The following ELMO1 variants were observed in gnomAD, a reference collection of about 807,000 sequenced individuals.
The protein encoded by ELMO1 is engulfment and cell motility protein 1.
Under a neutral mutation model 98.9 loss-of-function variants are expected in ELMO1, and 26 were observed. That is an observed-to-expected ratio of 0.26 (90% CI 0.19 to 0.36). The LOEUF (loss-of-function observed/expected upper bound fraction) is 0.36, where lower values mean the gene tolerates loss of function less well. ELMO1 is among the 10% of genes least tolerant of loss of function. ELMO1 has a pLI of 1.00. For missense variants in ELMO1, 627 were observed against 935.2 expected (o/e 0.67, Z 4.30); for synonymous variants, 346 against 346.0 (o/e 1.00, Z 0.00).
intron 16 of ELMO1, among the ~76,000 whole-genome samples, chr7:36,896,860 T>C (rs1464094576): frequency 6.6e-6 from 1 of 152,212 alleles, no homozygotes; most frequent in African/African-American, 2.4e-5. Flanking sequence ...TAGAGAGACT[T>C]AGAATTGAGC....
chr7:36,862,164 G>A (rs1268923761), intron 20 of ELMO1: 5 of 192,046 alleles, frequency 2.6e-5, no homozygotes, highest in Non-Finnish European at 5.5e-5. Context: ...CCAATCAACA[G>A]GATTAAGGAC....
chr7:37,370,051 A>G (rs1346781768), intron 1 of ELMO1, among the ~76,000 whole-genome samples: 2 of 152,200 alleles, frequency 1.3e-5, no homozygotes, highest in African/African-American at 4.8e-5. Flanking sequence ...AGGAAACATT[A>G]ACCACCAGAG....
At chr7:37,188,823 C>T (rs1410161884) in intron 13 of ELMO1, among the ~76,000 whole-genome samples, 1 of 152,082 alleles carries the variant, frequency 6.6e-6, no homozygotes, top group Non-Finnish European at 1.5e-5. Flanking sequence ...CTGGATGTGT[C>T]CCCCACAGTC....
At chr7:37,444,014 C>T (rs930446546) in intron 1 of ELMO1, among the ~76,000 whole-genome samples, 4 of 152,218 alleles carry the variant, frequency 2.6e-5, no homozygotes, top group Non-Finnish European at 5.9e-5. Flanking sequence ...AAGCCATTCT[C>T]TTGCCTCAGC....
chr7:37,301,752 G>C (rs1294216026), intron 4 of ELMO1, among the ~76,000 whole-genome samples: 1 of 152,108 alleles, frequency 6.6e-6, no homozygotes, highest in Non-Finnish European at 1.5e-5. Flanking sequence ...TCAAAAGAAG[G>C]TGTAAATATC....
At chr7:36,970,180 A>ACACACAC in intron 16 of ELMO1, among the ~76,000 whole-genome samples, 2 of 144,354 alleles carry the variant, frequency 1.4e-5, no homozygotes, top group African/African-American at 5.2e-5. Flanking sequence ...TCATACACTT[A>ACACACAC]ACACACACAC....
intron 15 of ELMO1, among the ~76,000 whole-genome samples, chr7:37,077,859 G>C (rs768370199): frequency 1.3e-5 from 2 of 152,194 alleles, no homozygotes; most frequent in Non-Finnish European, 2.9e-5. Context: ...AAATGATCCA[G>C]AGCATACGAG....
rs1787590572 is a variant in ELMO1 at position 36,947,432 on chromosome 7, C to T, written c.1438-52415G>A. Among the ~76,000 whole-genome samples the T allele has an allele frequency of 2.0e-5, 3 of 152,160 alleles. No homozygotes were observed. The South Asian group carries it at 6.2e-4, about 32-fold the overall frequency. On this transcript the variant is annotated intron_variant, in intron 16 of 21. Coordinates refer to ENST00000310758, the MANE Select transcript of ELMO1 (RefSeq NM_014800.11). ...CCCCAGTTTCTCATTTTCCAACTCA[C>T]TCTCCATCACAACCTATCAACCACC...
At chr7:37,174,659 G>A (rs1790403736) in intron 13 of ELMO1, among the ~76,000 whole-genome samples, 1 of 152,132 alleles carries the variant, frequency 6.6e-6, no homozygotes, top group Non-Finnish European at 1.5e-5. Context: ...GGTCCCATGG[G>A]TACAACAAAC....
intron 15 of ELMO1, among the ~76,000 whole-genome samples, chr7:37,084,383 A>C (rs1374212841): frequency 6.6e-6 from 1 of 152,250 alleles, no homozygotes; most frequent in Non-Finnish European, 1.5e-5. Flanking sequence ...TATTAAATGC[A>C]GACTACATGT....
In ELMO1 at chr7:36,855,697, C is replaced by T. The variant is rs768548471; in HGVS notation, c.2038G>A (p.Asp680Asn). 3.1e-6 allele frequency: 5 copies of T among 1,613,952 alleles called. No homozygotes were observed. The highest frequency in any genetic ancestry group is 4.5e-5 in the East Asian group (2 of 44,884). ...GTGTCCAGGTCATTCCGCGTCAGGT[C>T]GCTCATCATGTCCTTCCCGAGTAGC... ...NALLGKDMMS[D>N]LTRNDLDTLL... Residue 680 changes from aspartate (D) to asparagine (N), a missense_variant, in exon 22 of 22, where the codon GAC becomes AAC. Physicochemically the swap from Asp to Asn is conservative, Grantham distance 23. Transcript: ENST00000310758. This position sits in a 1 kb window ranked among gnomAD's most constrained non-coding sequence, Gnocchi z 4.2.
chr7:37,017,391 T>C (rs1056340187), intron 15 of ELMO1, among the ~76,000 whole-genome samples: 9 of 152,240 alleles, frequency 5.9e-5, no homozygotes, highest in African/African-American at 1.7e-4. Flanking sequence ...TTCATGTTAA[T>C]AGAACCTGAG....
At chr7:37,179,344 C>G (rs888525336) in intron 13 of ELMO1, among the ~76,000 whole-genome samples, 5 of 144,244 alleles carry the variant, frequency 3.5e-5, no homozygotes, top group Non-Finnish European at 1.5e-5. Context: ...CTGGCGCGAT[C>G]TTGGCTCACT....
At chr7:36,874,514 A>G (rs1327068343) in intron 19 of ELMO1, among the ~76,000 whole-genome samples, 2 of 152,248 alleles carry the variant, frequency 1.3e-5, no homozygotes, top group East Asian at 3.8e-4. Context: ...AATTATTCCC[A>G]TTATCAATAA....
chr7:37,089,150 T>G (rs947836535), intron 15 of ELMO1, among the ~76,000 whole-genome samples: 4 of 152,226 alleles, frequency 2.6e-5, no homozygotes, highest in African/African-American at 9.6e-5. Context: ...TCTATTCTAA[T>G]TGCTGCTGCA....
chr7:37,066,027 G>A (rs920873774), intron 15 of ELMO1, among the ~76,000 whole-genome samples: 9 of 152,144 alleles, frequency 5.9e-5, no homozygotes, highest in Non-Finnish European at 1.2e-4. Flanking sequence ...TTATAAATGG[G>A]AGTTCCCTTG....
intron 20 of ELMO1, among the ~76,000 whole-genome samples, chr7:36,868,819 T>C (rs1334873375): frequency 6.6e-6 from 1 of 152,196 alleles, no homozygotes; most frequent in Non-Finnish European, 1.5e-5. Context: ...TGGTCTTCTC[T>C]GGGTTGCAGA....
At chr7:37,000,131 A>G (rs1399005475) in intron 16 of ELMO1, among the ~76,000 whole-genome samples, 1 of 152,238 alleles carries the variant, frequency 6.6e-6, no homozygotes, top group Non-Finnish European at 1.5e-5. Flanking sequence ...ACGTTGGGGC[A>G]AAAGTATGTC....
In ELMO1 at chr7:37,380,711, G is replaced by A. The variant is rs115070858; in HGVS notation, c.-73-37948C>T. Among the ~76,000 whole-genome samples, 751 of 152,254 alleles carry A rather than the reference G, an allele frequency of 4.9e-3. 5 individuals are homozygous for A. Among genetic ancestry groups the A allele is most frequent in the African/African-American group, 0.017 (716 of 41,542 alleles). ...CCTCTGAGAGTAATGTCACAACATC[G>A]TTGTCAACATATCAATGTGCAACTT... On this transcript the variant is annotated intron_variant, in intron 1 of 21. Coordinates refer to ENST00000310758, the MANE Select transcript of ELMO1 (RefSeq NM_014800.11).
Sources: allele counts gnomAD v4.1 joint callset (sites outside exome capture counted in the v4.1 genomes callset), GRCh38; gene constraint gnomAD v4.1.1; non-coding constraint Gnocchi (gnomAD v3.1); transcripts MANE v1.5; gene names NCBI Gene and HGNC (gene_info 2026-07-23, HGNC 2026-07-21).